Variants in ASIC5 observed in about 807,000 individuals in gnomAD.
ASIC5 encodes the protein acid sensing ion channel subunit family member 5, also known as bile acid-sensitive ion channel.
Under a neutral mutation model 51.2 loss-of-function variants are expected in ASIC5, and 52 were observed. The ratio of observed to expected loss-of-function variants is 1.02; its 90% CI spans 0.81 to 1.28. The LOEUF (loss-of-function observed/expected upper bound fraction) is 1.28. Ranked by LOEUF, ASIC5 falls within the 50% of genes most tolerant of loss-of-function variation. The pLI is 0.00. For missense variants in ASIC5, 635 were observed against 595.0 expected (o/e 1.07, Z -0.70); for synonymous variants, 231 against 200.7 (o/e 1.15, Z -1.28).
At chr4:155,830,353 T>G (rs995534679) in intron 9 of ASIC5, among the ~76,000 whole-genome samples, 1 of 152,112 alleles carries the variant, frequency 6.6e-6, no homozygotes, top group Non-Finnish European at 1.5e-5. Flanking sequence ...AATTACAAAC[T>G]CATTTCTAGG....
At chr4:155,840,432 TATATA>T (rs979047642) in intron 6 of ASIC5, among the ~76,000 whole-genome samples, 38 of 147,468 alleles carry the variant, frequency 2.6e-4, no homozygotes, top group Non-Finnish European at 5.4e-4. Flanking sequence ...TTTTATATTA[TATATA>T]ATATAATATA....
intron 2 of ASIC5, among the ~76,000 whole-genome samples, chr4:155,860,586 T>C (rs1259078008): frequency 6.6e-6 from 1 of 151,936 alleles, no homozygotes; most frequent in South Asian, 2.1e-4. Context: ...TGTAAACTGA[T>C]ATTGTCTTAA....
Position 155,852,821 on chromosome 4 carries a change from G to T in ASIC5, c.586-505C>A, listed in dbSNP as rs561809037. ...TGCCTCAGTGGTTGGTTCAAGAATT[G>T]ATATGTGTCCCAAGTGGAGCTAATT... On this transcript the variant is annotated intron_variant, in intron 3 of 9. Transcript: ENST00000537611. 2.6e-5 allele frequency among the ~76,000 whole-genome samples: 4 copies of T among 152,048 alleles called. No homozygotes were observed. In the East Asian group the frequency reaches 7.8e-4, roughly 30 times the overall value.
intron 6 of ASIC5, 145 bp from the exon 7 acceptor site, chr4:155,839,014 G>A: frequency 1.8e-6 from 1 of 570,000 alleles, no homozygotes; most frequent in Non-Finnish European, 3.1e-6. Flanking sequence ...TCTTTCATAA[G>A]CAAAACTATG....
intron 6 of ASIC5, among the ~76,000 whole-genome samples, chr4:155,840,876 A>G (rs920827388): frequency 3.3e-5 from 5 of 151,994 alleles, no homozygotes; most frequent in East Asian, 1.9e-4. Context: ...CCTGCCTCCA[A>G]TGATCAGCTG....
chr4:155,847,245 T>A (rs936262949), intron 4 of ASIC5, among the ~76,000 whole-genome samples: 7 of 152,070 alleles, frequency 4.6e-5, no homozygotes, highest in African/African-American at 1.7e-4. Flanking sequence ...AAAATTTTTG[T>A]TTTCAAATTA....
intron 7 of ASIC5, among the ~76,000 whole-genome samples, chr4:155,838,442 A>G (rs1333755912): frequency 1.3e-5 from 2 of 152,214 alleles, no homozygotes; most frequent in Non-Finnish European, 2.9e-5. Context: ...ACTATTCCCA[A>G]TCAGTGAGAG....
intron 2 of ASIC5, among the ~76,000 whole-genome samples, chr4:155,861,947 G>C (rs1427534160): frequency 1.3e-5 from 2 of 151,932 alleles, no homozygotes; most frequent in Non-Finnish European, 2.9e-5. Flanking sequence ...TCATTCTGAG[G>C]TTCCAGTAGA....
chr4:155,855,067 G>A (rs1741495462), intron 2 of ASIC5, among the ~76,000 whole-genome samples: 1 of 152,028 alleles, frequency 6.6e-6, no homozygotes, highest in East Asian at 1.9e-4. Context: ...TGCTTAACCA[G>A]CTCCTGCAAC....
Position 155,830,039 on chromosome 4 carries a change from A to G in ASIC5, c.1335T>C (p.Leu445=), listed in dbSNP as rs529632449. Residue 445 remains leucine (L), a synonymous_variant, in exon 10 of 10, where the codon CTT becomes CTC. Transcript: ENST00000537611. ...CACAAAATAGACCCAGCTGACCACCAAGATCTGCTGTAATAAAACCAATAA... is the reference window on the plus strand; with the variant it reads ...CACAAAATAGACCCAGCTGACCACCGAGATCTGCTGTAATAAAACCAATAA... ...AVSVSELLAD[L]GGQLGLFCGA... The G allele has an allele frequency of 3.3e-4, 504 of 1,543,622 alleles. 10 individuals carry two copies. The South Asian group carries it at 5.9e-3, about 18-fold the overall frequency.
chr4:155,832,519 T>C (rs559701357), intron 8 of ASIC5, among the ~76,000 whole-genome samples: 1 of 152,218 alleles, frequency 6.6e-6, no homozygotes, highest in Non-Finnish European at 1.5e-5. Context: ...TCTTTTAAAA[T>C]GATACTAATA....
intron 6 of ASIC5, among the ~76,000 whole-genome samples, chr4:155,839,596 C>G (rs779423515): frequency 6.6e-6 from 1 of 152,042 alleles, no homozygotes; most frequent in Non-Finnish European, 1.5e-5. Context: ...CAGCAGTTAG[C>G]CACAATGTTT....
chr4:155,859,981 G>A (rs559812347), intron 2 of ASIC5, among the ~76,000 whole-genome samples: 65 of 152,088 alleles, frequency 4.3e-4, no homozygotes, highest in African/African-American at 1.3e-3. Flanking sequence ...GAAGTTCTGC[G>A]TTAGACACAG....
intron 2 of ASIC5, among the ~76,000 whole-genome samples, chr4:155,862,196 A>G (rs1435449682): frequency 6.6e-6 from 1 of 152,072 alleles, no homozygotes; most frequent in Non-Finnish European, 1.5e-5. Context: ...AATAGTATTG[A>G]AAATCATTTT....
At chr4:155,852,346 C>T in intron 3 of ASIC5, 30 bp from the exon 4 acceptor site, 1 of 1,565,374 alleles carries the variant, frequency 6.4e-7, no homozygotes, top group South Asian at 1.2e-5. Flanking sequence ...CAAAAAAAAC[C>T]ATCAATTTGA....
At chr4:155,846,744 T>C (rs1031383686) in intron 4 of ASIC5, among the ~76,000 whole-genome samples, 1 of 152,124 alleles carries the variant, frequency 6.6e-6, no homozygotes, top group Non-Finnish European at 1.5e-5. Flanking sequence ...GATAAATACT[T>C]GTAGACAAAC....
chr4:155,852,408 T>C (rs943003472), intron 3 of ASIC5, 92 bp from the exon 4 acceptor site: 14 of 1,065,572 alleles, frequency 1.3e-5, no homozygotes, highest in African/African-American at 1.6e-5. Flanking sequence ...AAAGCACAAA[T>C]ACCTAACAAG....
chr4:155,862,505 G>T (rs563311509), intron 2 of ASIC5, among the ~76,000 whole-genome samples: 1 of 152,192 alleles, frequency 6.6e-6, no homozygotes, highest in Admixed American at 6.5e-5. Context: ...CCCTTCCTCA[G>T]CAAAAATCCT....
intron 6 of ASIC5, among the ~76,000 whole-genome samples, chr4:155,839,658 G>C (rs771690644): frequency 1.6e-4 from 25 of 151,962 alleles, no homozygotes; most frequent in Non-Finnish European, 3.4e-4. Context: ...ACAACGTGCG[G>C]ACAATTTGTG....
Sources: allele counts gnomAD v4.1 joint callset (sites outside exome capture counted in the v4.1 genomes callset), GRCh38; gene constraint gnomAD v4.1.1; transcripts MANE v1.5; gene names NCBI Gene and HGNC (gene_info 2026-07-23, HGNC 2026-07-21).